ZNF431: variants seen among roughly 807,000 people sequenced by gnomAD.
ZNF431 encodes zinc finger protein 431.
ZNF431 carries 34 observed loss-of-function variants against 57.0 expected under a neutral mutation model. That is an observed-to-expected ratio of 0.60 (90% CI 0.45 to 0.79). The LOEUF is 0.79. ZNF431 is among the 30% of genes least tolerant of loss of function. The pLI is 0.00. For synonymous variants in ZNF431, 207 were observed against 220.3 expected, an observed-to-expected ratio of 0.94 and a Z score of 0.54; for missense variants, 607 against 667.1, an observed-to-expected ratio of 0.91 and a Z score of 0.99.
At chr19:21,162,611 A>G in intron 2 of ZNF431, 1 of 549,046 alleles carries the variant, frequency 1.8e-6, no homozygotes, top group Non-Finnish European at 2.3e-6. Context: ...GACCAGATTC[A>G]CCCTTTTTGG....
intron 2 of ZNF431, among the ~76,000 whole-genome samples, chr19:21,160,898 G>A (rs193178335): frequency 1.1e-3 from 162 of 152,210 alleles, no homozygotes; most frequent in African/African-American, 3.4e-3. Context: ...AACCAGGTGC[G>A]GTGGATCATG....
chr19:21,180,267 A>G (rs1364274619), intron 4 of ZNF431, among the ~76,000 whole-genome samples: 2 of 152,132 alleles, frequency 1.3e-5, no homozygotes, highest in Non-Finnish European at 2.9e-5. Context: ...GTTGTTTTAT[A>G]GCATAATTGA....
At chr19:21,179,998 G>T (rs561488717) in intron 4 of ZNF431, among the ~76,000 whole-genome samples, 24 of 152,204 alleles carry the variant, frequency 1.6e-4, no homozygotes, top group Non-Finnish European at 1.3e-4. Flanking sequence ...TTTCGTTGTA[G>T]TTGCGGGATT....
At chr19:21,176,197 A>C (rs1454053465) in intron 4 of ZNF431, among the ~76,000 whole-genome samples, 1 of 148,626 alleles carries the variant, frequency 6.7e-6, no homozygotes, top group African/African-American at 2.5e-5. Flanking sequence ...CTCCACATAA[A>C]TGTCTTCTTT....
intron 4 of ZNF431, among the ~76,000 whole-genome samples, chr19:21,174,698 T>G (rs2145023409): frequency 6.6e-6 from 1 of 152,318 alleles, no homozygotes; most frequent in East Asian, 1.9e-4. Context: ...GTATACTTTT[T>G]AACTTAAGCT....
intron 2 of ZNF431, among the ~76,000 whole-genome samples, chr19:21,147,356 G>T (rs932520783): frequency 1.3e-5 from 2 of 152,104 alleles, no homozygotes; most frequent in African/African-American, 4.8e-5. Context: ...GGATGTGCTG[G>T]TGGACGCCTG....
chr19:21,190,102 G>A lies in ZNF431; in HGVS notation c.*6068G>A. The A allele has an allele frequency of 2.6e-6, 1 of 378,254 alleles. No homozygotes were observed. Among genetic ancestry groups the A allele is most frequent in the East Asian group, 3.8e-5 (1 of 26,536 alleles). 23.4% of individuals were successfully genotyped at this position (378,254 alleles called of 1,614,324 possible). On this transcript the variant is annotated 3_prime_UTR_variant, in exon 5 of 5. Coordinates refer to ENST00000311048, the MANE Select transcript of ZNF431 (RefSeq NM_133473.4). ...GAGAATCCCTTGAACCACAGATGCA[G>A]AGGTTGCAGTGAACTGAGATCATGC...
rs1360174912 is a variant in ZNF431, at chr19:21,195,496, AT to A, written c.*11464del. ...CGATTGAATAGTTGGGCTTTGGCTA[AT>A]TCCTCATTAGCAATAGAATTATGTA... On this transcript the variant is annotated 3_prime_UTR_variant, in exon 5 of 5. Transcript: ENST00000311048. 7.9e-5 allele frequency: 12 copies of A among 152,224 alleles called. No homozygotes were observed. Among genetic ancestry groups the A allele is most frequent in the African/African-American group, 2.9e-4 (12 of 41,458 alleles). The allele number at this position is 152,224 out of a possible 1,614,324, so 9.4% of individuals were successfully genotyped here.
intron 1 of ZNF431, 43 bp downstream of exon 1, chr19:21,142,229 G>C: frequency 1.9e-6 from 3 of 1,612,638 alleles, no homozygotes; most frequent in East Asian, 2.2e-5. Flanking sequence ...GGGAAGGGCT[G>C]GTTGTAACCG....
At chr19:21,156,421 A>G (rs1341775962) in intron 2 of ZNF431, among the ~76,000 whole-genome samples, 1 of 152,024 alleles carries the variant, frequency 6.6e-6, no homozygotes, top group Non-Finnish European at 1.5e-5. Flanking sequence ...GCTTTGTTAT[A>G]TAGGTAAAAT....
At chr19:21,150,135 G>A (rs1970229555) in intron 2 of ZNF431, 6 of 626,318 alleles carry the variant, frequency 9.6e-6, no homozygotes, top group Non-Finnish European at 1.8e-5. Flanking sequence ...TTTGTCTCTG[G>A]TCTGTACTTG....
At chr19:21,171,141 AT>A (rs1970875996) in intron 4 of ZNF431, among the ~76,000 whole-genome samples, 1 of 151,576 alleles carries the variant, frequency 6.6e-6, no homozygotes, top group Non-Finnish European at 1.5e-5. Context: ...CGTAAAATTT[AT>A]CATATTTTTT....
In ZNF431 at chr19:21,185,487, G is replaced by A. The variant is rs933238185; in HGVS notation, c.*1453G>A. 2 of 152,192 alleles carry A rather than the reference G, an allele frequency of 1.3e-5. No individual in the cohort carries two copies. Among genetic ancestry groups the A allele is most frequent in the African/African-American group, 4.8e-5 (2 of 41,428 alleles). The allele number at this position is 152,192 out of a possible 1,614,324, so 9.4% of individuals were successfully genotyped here. A position where few individuals can be genotyped will look rare whatever the true frequency, so the allele number is the denominator to read the frequency against. On this transcript the variant is annotated 3_prime_UTR_variant, in exon 5 of 5. Coordinates refer to ENST00000311048, the MANE Select transcript of ZNF431 (RefSeq NM_133473.4). ...TTGTTCGTTTGTTTTTTGAGACTGAGTTTCACTCTTTCGCCCAGGCTGGAG... is the reference window on the plus strand; with the variant it reads ...TTGTTCGTTTGTTTTTTGAGACTGAATTTCACTCTTTCGCCCAGGCTGGAG...
At chr19:21,147,556 C>G (rs1970134614) in intron 2 of ZNF431, among the ~76,000 whole-genome samples, 1 of 150,774 alleles carries the variant, frequency 6.6e-6, no homozygotes, top group African/African-American at 2.4e-5. Flanking sequence ...TTGAAGAGTA[C>G]CAACACAAGA....
chr19:21,181,458 C>G (rs1053072181), intron 4 of ZNF431, among the ~76,000 whole-genome samples: 6 of 152,092 alleles, frequency 3.9e-5, no homozygotes, highest in African/African-American at 1.4e-4. Flanking sequence ...CACCGGCTAT[C>G]TCATAAGACT....
intron 2 of ZNF431, chr19:21,150,994 A>G (rs1970256365): frequency 1.3e-5 from 2 of 152,116 alleles, no homozygotes; most frequent in South Asian, 4.1e-4. Flanking sequence ...AAGGTGTCCC[A>G]GGCTGTTAGA....
chr19:21,162,743 A>G (rs1004742738), intron 2 of ZNF431: 1 of 985,402 alleles, frequency 1.0e-6, no homozygotes, highest in South Asian at 4.7e-5. Context: ...AATTTCAGAA[A>G]CCCAAAAGCA....
Position 21,190,252 on chromosome 19 carries a change from C to T in ZNF431, c.*6218C>T, listed in dbSNP as rs1235876946. 5.6e-6 allele frequency: 1 copy of T among 178,080 alleles called. No homozygotes were observed. Among genetic ancestry groups the T allele is most frequent in the African/African-American group, 2.4e-5 (1 of 42,542 alleles). The allele number at this position is 178,080 out of a possible 1,614,324, so 11.0% of individuals were successfully genotyped here. On this transcript the variant is annotated 3_prime_UTR_variant, in exon 5 of 5. Coordinates refer to ENST00000311048, the MANE Select transcript of ZNF431 (RefSeq NM_133473.4). ...ATCAACCACATTGTCTTTATTTACT[C>T]ATTAGATGTTGAACTGTTTATTCTG...
At chr19:21,171,122 T>C (rs547473490) in intron 4 of ZNF431, among the ~76,000 whole-genome samples, 1 of 152,116 alleles carries the variant, frequency 6.6e-6, no homozygotes, top group East Asian at 1.9e-4. Context: ...GAATAGCATA[T>C]ATTTAAAACG....
Sources: allele counts gnomAD v4.1 joint callset (sites outside exome capture counted in the v4.1 genomes callset), GRCh38; gene constraint gnomAD v4.1.1; transcripts MANE v1.5; gene names NCBI Gene and HGNC (gene_info 2026-07-23, HGNC 2026-07-21).